The following PPFIA3 variants were observed in gnomAD, a reference collection of about 807,000 sequenced individuals.
The protein encoded by PPFIA3 is liprin-alpha-3.
In PPFIA3, 26 loss-of-function variants were observed where a neutral mutation model predicts 145.8. The ratio of observed to expected loss-of-function variants is 0.18; its 90% CI spans 0.13 to 0.25. The LOEUF is 0.25. PPFIA3 is among the 10% of genes least tolerant of loss of function. The probability of loss-of-function intolerance (pLI) is 1.00; values close to 1 mark genes in which losing one functional copy is unlikely to be tolerated. For synonymous variants in PPFIA3, 645 were observed against 661.4 expected, an observed-to-expected ratio of 0.98 and a Z score of 0.38; for missense variants, 1,008 against 1,587.8, an observed-to-expected ratio of 0.63 and a Z score of 6.21.
In PPFIA3 at chr19:49,130,167, G is replaced by T; in HGVS notation, c.657+100G>T. On this transcript the variant is annotated intron_variant, in intron 6 of 29. Coordinates refer to ENST00000334186, the MANE Select transcript of PPFIA3 (RefSeq NM_003660.4). This position sits in a 1 kb window ranked among gnomAD's most constrained non-coding sequence, Gnocchi z 4.5. ...TATCATCCTCACTGGCCCTAAGACG[G>T]CTGCACCTGTAAGAGTGTCACAGAG... is the stretch of plus-strand genomic sequence containing the variant. 1 of 1,321,132 alleles carries T rather than the reference G, an allele frequency of 7.6e-7. No homozygotes were observed. The highest frequency in any genetic ancestry group is 1.0e-6 in the Non-Finnish European group (1 of 963,282). The allele number at this position is 1,321,132 out of a possible 1,614,324, so 81.8% of individuals were successfully genotyped here.
Position 49,130,656 on chromosome 19 carries a change from C to T in PPFIA3, c.879+57C>T. The T allele has an allele frequency of 3.5e-6, 5 of 1,439,576 alleles. No individual in the cohort carries two copies. Among genetic ancestry groups the T allele is most frequent in the Middle Eastern group, 2.4e-4 (1 of 4,090 alleles). The allele number at this position is 1,439,576 out of a possible 1,614,324, so 89.2% of individuals were successfully genotyped here. A position where few individuals can be genotyped will look rare whatever the true frequency, so the allele number is the denominator to read the frequency against. On this transcript the variant is annotated intron_variant, in intron 7 of 29. Transcript: ENST00000334186. This position sits in a 1 kb window ranked among gnomAD's most constrained non-coding sequence, Gnocchi z 4.5. ...GTCCCTCGCCTTTCCGTAGAGCTCT[C>T]CCTCGCGCATTGCTCATGAATGGCG...
At chr19:49,129,162 C>T in intron 4 of PPFIA3, 150 bp downstream of exon 4, 1 of 1,026,890 alleles carries the variant, frequency 9.7e-7, no homozygotes. Flanking sequence ...GATACATAGA[C>T]TGGGACCTGA....
At chr19:49,124,547 G>C (rs1317350468) in intron 1 of PPFIA3, among the ~76,000 whole-genome samples, 1 of 152,174 alleles carries the variant, frequency 6.6e-6, no homozygotes, top group Non-Finnish European at 1.5e-5. Context: ...ATAGGCTTCA[G>C]AACTTAGTTC....
intron 7 of PPFIA3, among the ~76,000 whole-genome samples, chr19:49,132,162 C>A (rs1442573948): frequency 1.3e-5 from 2 of 151,326 alleles, no homozygotes; most frequent in Non-Finnish European, 2.9e-5. Flanking sequence ...CCAAGGCAGG[C>A]ACATCACCTG....
At chr19:49,147,333 C>T (rs1011806825) in intron 23 of PPFIA3, among the ~76,000 whole-genome samples, 1 of 152,126 alleles carries the variant, frequency 6.6e-6, no homozygotes, top group Admixed American at 6.6e-5. Context: ...AGGAGGACCG[C>T]TTGAGCCCAC....
chr19:49,136,318 C>T (rs1449752727), intron 14 of PPFIA3, among the ~76,000 whole-genome samples: 2 of 152,140 alleles, frequency 1.3e-5, no homozygotes, highest in African/African-American at 2.4e-5. Context: ...AGTTGGAGGC[C>T]GGGCAGGGTG....
Position 49,141,518 on chromosome 19 carries a change from G to A in PPFIA3, c.2462+5G>A. On this transcript the variant is annotated splice_donor_5th_base_variant and intron_variant, in intron 19 of 29. Transcript: ENST00000334186. Reference sequence around the variant, plus strand: ...GGACCGAAGGAACAAGAGGAAGTGAGTGTGTGTGAGTGTGAGCGTGTGTGT... The same window carrying A: ...GGACCGAAGGAACAAGAGGAAGTGAATGTGTGTGAGTGTGAGCGTGTGTGT... The A allele has an allele frequency of 6.2e-7, 1 of 1,608,524 alleles. No individual in the cohort carries two copies. The highest frequency in any genetic ancestry group is 8.5e-7 in the Non-Finnish European group (1 of 1,175,038).
intron 5 of PPFIA3, 113 bp downstream of exon 5, chr19:49,129,567 A>G: frequency 8.8e-7 from 1 of 1,138,678 alleles, no homozygotes; most frequent in Non-Finnish European, 1.3e-6. Context: ...GGGCAGGACT[A>G]GGGCAGACAA....
In PPFIA3 at chr19:49,138,398, AGCCCTGCCCGTGAGG is replaced by A; in HGVS notation, c.2050_2064del (p.Pro684_Gly688del). ...CTCAACACCCCGCCTGGCACCCCCT[AGCCCTGCCCGTGAGG>A]GCACCGACAAGGCTGTGAGTGCTCT... On this transcript the variant is annotated inframe_deletion, in exon 16 of 30. Transcript: ENST00000334186. 6.4e-7 allele frequency: 1 copy of A among 1,569,864 alleles called. No homozygotes were observed.
intron 15 of PPFIA3, 34 bp from the exon 16 acceptor site, chr19:49,138,171 C>G (rs1047652049): frequency 1.3e-6 from 2 of 1,530,128 alleles, no homozygotes; most frequent in Non-Finnish European, 1.8e-6. Flanking sequence ...TCTGCTGCGG[C>G]CCCTCACCCA....
At position 49,128,251 on chromosome 19, in the gene PPFIA3, A is replaced by G; in HGVS notation, c.241-116A>G. 1 of 1,484,448 alleles carries G rather than the reference A, an allele frequency of 6.7e-7. No individual in the cohort carries two copies. The highest frequency in any genetic ancestry group is 1.2e-5 in the South Asian group (1 of 83,208). The allele number at this position is 1,484,448 out of a possible 1,614,324, so 92.0% of individuals were successfully genotyped here. A position where few individuals can be genotyped will look rare whatever the true frequency, so the allele number is the denominator to read the frequency against. ...CGTTAATGGGCGGGGCCTGAGTGGCAAGGGACAGCGGGACTTAGCAGGGAG... is the reference window on the plus strand; with the variant it reads ...CGTTAATGGGCGGGGCCTGAGTGGCGAGGGACAGCGGGACTTAGCAGGGAG... On this transcript the variant is annotated intron_variant, in intron 2 of 29. Coordinates refer to ENST00000334186, the MANE Select transcript of PPFIA3 (RefSeq NM_003660.4). This position sits in a 1 kb window ranked among gnomAD's most constrained non-coding sequence, Gnocchi z 4.1.
intron 7 of PPFIA3, among the ~76,000 whole-genome samples, chr19:49,131,055 G>A (rs2041064081): frequency 7.6e-6 from 1 of 132,018 alleles, no homozygotes; most frequent in African/African-American, 2.8e-5. Flanking sequence ...TGTATTTTTA[G>A]TAGAGATGGG....
intron 21 of PPFIA3, among the ~76,000 whole-genome samples, chr19:49,143,721 T>C (rs1336000053): frequency 1.3e-5 from 2 of 152,140 alleles, no homozygotes; most frequent in African/African-American, 4.8e-5. Context: ...CAGAAAATCA[T>C]GTGTACCCAG....
intron 18 of PPFIA3, among the ~76,000 whole-genome samples, chr19:49,140,848 G>C (rs1381827184): frequency 2.0e-5 from 3 of 151,614 alleles, no homozygotes; most frequent in African/African-American, 7.3e-5. Flanking sequence ...TAGAGATGGG[G>C]TTTCACCGTG....
rs1443036964 is a variant in PPFIA3 at position 49,120,778 on chromosome 19, C to A, written c.-16+1056C>A. Among the ~76,000 whole-genome samples the A allele has an allele frequency of 1.3e-5, 2 of 152,204 alleles. No individual in the cohort carries two copies. The highest frequency in any genetic ancestry group is 2.9e-5 in the Non-Finnish European group (2 of 68,028). ...AAATGTCTTGGTCCCAGTCTCCTAT[C>A]CCCTCAGGGACCCAGGAGTTCAGAC... On this transcript the variant is annotated intron_variant, in intron 1 of 29. Transcript: ENST00000334186. This position sits in a 1 kb window ranked among gnomAD's most constrained non-coding sequence, Gnocchi z 4.6.
chr19:49,130,306 A>G lies in PPFIA3; in HGVS notation c.658-72A>G. 7.2e-7 allele frequency: 1 copy of G among 1,394,848 alleles called. No individual in the cohort carries two copies. 86.4% of individuals were successfully genotyped at this position (1,394,848 alleles called of 1,614,324 possible). On this transcript the variant is annotated intron_variant, in intron 6 of 29. Coordinates refer to ENST00000334186, the MANE Select transcript of PPFIA3 (RefSeq NM_003660.4). This position sits in a 1 kb window ranked among gnomAD's most constrained non-coding sequence, Gnocchi z 4.5. ...TCTTTGATCTACTTTCAGCTGATTG[A>G]CTTTCTCCTTGGATTTCCTCTGTGT...
intron 18 of PPFIA3, among the ~76,000 whole-genome samples, chr19:49,140,472 T>A (rs1419217104): frequency 6.7e-6 from 1 of 149,376 alleles, no homozygotes; most frequent in Non-Finnish European, 1.5e-5. Flanking sequence ...CCTCGGCCTC[T>A]TGAGCAGCTG....
chr19:49,147,580 G>T (rs1000044942), intron 23 of PPFIA3, among the ~76,000 whole-genome samples: 1 of 151,820 alleles, frequency 6.6e-6, no homozygotes, highest in South Asian at 2.1e-4. Flanking sequence ...CCAGCTACTC[G>T]AAGGCTGAGG....
At chr19:49,148,308 A>G (rs1255778588) in intron 24 of PPFIA3, 50 bp downstream of exon 24, 2 of 1,567,030 alleles carry the variant, frequency 1.3e-6, no homozygotes, top group African/African-American at 1.4e-5. Context: ...GCCCCACCCC[A>G]GAGAGTCTTT....
Sources: gnomAD v4.1 joint callset for allele counts (sites outside exome capture counted in the v4.1 genomes callset) on GRCh38, gnomAD v4.1.1 for gene constraint, Gnocchi (gnomAD v3.1) non-coding constraint, MANE v1.5 for transcripts, NCBI Gene and HGNC (gene_info 2026-07-23, HGNC 2026-07-21) for gene names.